Variants in CCDC144A observed in about 807,000 individuals in gnomAD.
The protein encoded by CCDC144A is coiled-coil domain-containing protein 144A.
Under a neutral mutation model 143.8 loss-of-function variants are expected in CCDC144A, and 41 were observed. That is an observed-to-expected ratio of 0.29 (90% CI 0.22 to 0.37). CCDC144A has a LOEUF of 0.37. Ranked by LOEUF, CCDC144A falls within the 10% of genes least tolerant of loss-of-function variation. The pLI, the probability that CCDC144A is intolerant of heterozygous loss-of-function variation, is 1.00. For synonymous variants in CCDC144A, 242 were observed against 517.9 expected (o/e 0.47, Z 7.23); for missense variants, 637 against 1,488.8 (o/e 0.43, Z 9.41).
At chr17:16,713,513 T>C (rs1912566181) in intron 6 of CCDC144A, among the ~76,000 whole-genome samples, 1 of 152,248 alleles carries the variant, frequency 6.6e-6, no homozygotes, top group Non-Finnish European at 1.5e-5. Context: ...ATTTTGACTA[T>C]TACTTTGTAT....
At chr17:16,756,624 A>T (rs1377006683) in intron 12 of CCDC144A, among the ~76,000 whole-genome samples, 7 of 149,496 alleles carry the variant, frequency 4.7e-5, no homozygotes, top group Admixed American at 4.6e-4. Context: ...TTTGAATTTT[A>T]TAGGTTTTGT....
At chr17:16,699,379 T>TG (rs1911591235) in intron 2 of CCDC144A, among the ~76,000 whole-genome samples, 2 of 149,846 alleles carry the variant, frequency 1.3e-5, no homozygotes, top group South Asian at 4.2e-4. Flanking sequence ...TTGGACTTTT[T>TG]TTGTTGTTGT....
the CCDC144A span, among the ~76,000 whole-genome samples, chr17:16,674,916 T>A: frequency 2.0e-5 from 3 of 152,114 alleles, no homozygotes; most frequent in African/African-American, 7.2e-5. Flanking sequence ...AGTTATTCAG[T>A]GGAACACAAA....
chr17:16,728,091 G>C (rs1488304544), intron 9 of CCDC144A, among the ~76,000 whole-genome samples: 1 of 151,964 alleles, frequency 6.6e-6, no homozygotes, highest in Admixed American at 6.6e-5. Context: ...TCTGTGCCTG[G>C]GACTGGAGTT....
intron 5 of CCDC144A, 74 bp from the exon 6 acceptor site, chr17:16,711,605 A>G (rs894988002): frequency 4.4e-5 from 70 of 1,607,400 alleles, no homozygotes; most frequent in South Asian, 2.2e-4. Flanking sequence ...GATGAAATCA[A>G]TGCAAACAGA....
chr17:16,708,042 C>G (rs1161575276), intron 4 of CCDC144A, among the ~76,000 whole-genome samples: 1 of 151,992 alleles, frequency 6.6e-6, no homozygotes, highest in East Asian at 1.9e-4. Context: ...ATGAAATCAA[C>G]CCAACTGCCT....
Position 16,709,347 on chromosome 17 carries a change from A to G in CCDC144A, c.1290A>G (p.Ala430=). ...ATAATGATGCAAGCACTAAGAAAGCAAGGAACCCAGAAGTGGTTATGGTTG... is the reference window on the plus strand; with the variant it reads ...ATAATGATGCAAGCACTAAGAAAGCGAGGAACCCAGAAGTGGTTATGGTTG... ...NFHNDASTKK[A]RNPEVVMVEM... is the part of the protein sequence containing the mutation. Residue 430 remains alanine, a synonymous_variant, in exon 5 of 17, where the codon GCA becomes GCG. Transcript: ENST00000399273. The G allele has an allele frequency of 3.7e-6, 6 of 1,611,712 alleles. No individual in the cohort carries two copies. In the South Asian group the frequency reaches 4.4e-5, roughly 12 times the overall value.
chr17:16,749,823 A>G (rs4034556), intron 12 of CCDC144A, among the ~76,000 whole-genome samples: 1 of 152,240 alleles, frequency 6.6e-6, no homozygotes, highest in African/African-American at 2.4e-5. Flanking sequence ...GGCGAAGTGA[A>G]TCCTTTATCA....
chr17:16,668,648 ATC>A, the CCDC144A span, among the ~76,000 whole-genome samples: 7 of 152,070 alleles, frequency 4.6e-5, no homozygotes, highest in Non-Finnish European at 1.0e-4. Flanking sequence ...TTCTTTTGTT[ATC>A]TGTTTTATAG....
chr17:16,709,906 A>G (rs1912298068), intron 5 of CCDC144A, among the ~76,000 whole-genome samples: 1 of 152,216 alleles, frequency 6.6e-6, no homozygotes, highest in South Asian at 2.1e-4. Context: ...GACCTTCAGA[A>G]CCAGGAGAGG....
chr17:16,763,110 G>A (rs1294388417), intron 14 of CCDC144A, among the ~76,000 whole-genome samples: 1 of 150,698 alleles, frequency 6.6e-6, no homozygotes, highest in Non-Finnish European at 1.5e-5. Context: ...GTGAAGCAGA[G>A]AATGATCAAC....
chr17:16,734,276 A>G (rs1396120561), intron 11 of CCDC144A, among the ~76,000 whole-genome samples: 1 of 152,214 alleles, frequency 6.6e-6, no homozygotes, highest in Non-Finnish European at 1.5e-5. Context: ...AAAGAACTTA[A>G]AGAACGTTGG....
At chr17:16,705,832 C>A in intron 3 of CCDC144A, 1 of 210,570 alleles carries the variant, frequency 4.7e-6, no homozygotes, top group East Asian at 1.3e-4. Context: ...GTAATCTCAG[C>A]ACTTTAGGAG....
At position 16,710,837 on chromosome 17, in the gene CCDC144A, A is replaced by G. The variant is rs576634262; in HGVS notation, c.1579-842A>G. On this transcript the variant is annotated intron_variant, in intron 5 of 16. Coordinates refer to ENST00000399273, the MANE Select transcript of CCDC144A (RefSeq NM_001382000.1). The stretch of plus-strand genomic sequence containing the variant: ...AATTTGTCTGATTCAGTATTATGGA[A>G]TTGTACTGTCTCTTTTGGTGCCACA... Among the ~76,000 whole-genome samples the G allele has an allele frequency of 2.4e-4, 36 of 152,168 alleles. No individual in the cohort carries two copies. In the South Asian group the frequency reaches 5.8e-3, roughly 25 times the overall value.
upstream of CCDC144A, chr17:16,689,970 C>T (rs1284490803): frequency 1.9e-5 from 3 of 155,028 alleles, no homozygotes; most frequent in Admixed American, 1.3e-4. Flanking sequence ...CACCCCGAAA[C>T]CTCCGAGGGA....
chr17:16,717,718 T>C (rs1303193707), intron 6 of CCDC144A, among the ~76,000 whole-genome samples: 1 of 152,204 alleles, frequency 6.6e-6, no homozygotes, highest in Non-Finnish European at 1.5e-5. Flanking sequence ...TCTTTATATG[T>C]TGATAATTCA....
chr17:16,683,850 C>T, the CCDC144A span: 9 of 1,392,286 alleles, frequency 6.5e-6, no homozygotes, highest in Non-Finnish European at 8.2e-6. Flanking sequence ...AGCAGAGACA[C>T]GTTTTCCTAC....
At chr17:16,712,753 T>C (rs1265364369) in intron 6 of CCDC144A, among the ~76,000 whole-genome samples, 1 of 152,174 alleles carries the variant, frequency 6.6e-6, no homozygotes, top group African/African-American at 2.4e-5. Flanking sequence ...CAGAAAATAA[T>C]GTAGCATGCA....
Position 16,762,413 on chromosome 17 carries a change from C to T in CCDC144A, c.3767C>T (p.Ser1256Phe). ...QMELTIKDLESEISRIKTSQA... is the reference protein window; with the variant it reads ...QMELTIKDLEFEISRIKTSQA... ...GAACTCACAATCAAAGATCTGGAAT[C>T]TGAAATCTCCAGAATAAAAACTTCG... Residue 1256 changes from serine (S) to phenylalanine (F), a missense_variant, in exon 14 of 17, where the codon TCT becomes TTT. Physicochemically the swap from Ser to Phe is radical, Grantham distance 155. Transcript: ENST00000399273. 1 of 1,579,712 alleles carries T rather than the reference C, an allele frequency of 6.3e-7. No individual in the cohort carries two copies. The highest frequency in any genetic ancestry group is 1.2e-5 in the South Asian group (1 of 85,834).
Sources: gnomAD v4.1 joint callset for allele counts (sites outside exome capture counted in the v4.1 genomes callset) on GRCh38, gnomAD v4.1.1 for gene constraint, MANE v1.5 for transcripts, NCBI Gene and HGNC (gene_info 2026-07-23, HGNC 2026-07-21) for gene names.